Variants in PRUNE2 observed in about 807,000 individuals in gnomAD.
The protein encoded by PRUNE2 is prune homolog 2 with BCH domain.
PRUNE2 carries 164 observed loss-of-function variants against 252.0 expected under a neutral mutation model. The ratio of observed to expected loss-of-function variants is 0.65; its 90% CI spans 0.57 to 0.74. The LOEUF (loss-of-function observed/expected upper bound fraction) is 0.74, where lower values mean the gene tolerates loss of function less well. Ranked by LOEUF, PRUNE2 falls within the 30% of genes least tolerant of loss-of-function variation. PRUNE2 has a pLI of 0.00. For synonymous variants in PRUNE2, 1,292 were observed against 1,350.2 expected, an observed-to-expected ratio of 0.96 and a Z score of 0.94; for missense variants, 3,495 against 3,711.0, an observed-to-expected ratio of 0.94 and a Z score of 1.51.
At chr9:76,659,412 G>T (rs1850439408) in intron 9 of PRUNE2, among the ~76,000 whole-genome samples, 1 of 152,180 alleles carries the variant, frequency 6.6e-6, no homozygotes. Flanking sequence ...AAAAGACACT[G>T]AATGCTTTTA....
Position 76,708,153 on chromosome 9 carries a change from T to C in PRUNE2, c.4121A>G (p.Gln1374Arg), listed in dbSNP as rs768740090. 11 of 1,614,030 alleles carry C rather than the reference T, an allele frequency of 6.8e-6. No homozygotes were observed. Among genetic ancestry groups the C allele is most frequent in the Middle Eastern group, 1.6e-4 (1 of 6,062 alleles). ...TTTGCCTGATTTAATGCAGATTTCC[T>C]GATGTTCAGATGCAACCAGAGAAGA... ...ELSSLVASEH[Q>R]EICIKSGKIS... is the part of the protein sequence containing the mutation. The change falls in exon 8 of 19, where the codon CAG (glutamine) becomes CGG (arginine). Residue 1374 changes from glutamine (Q) to arginine (R), a missense_variant. Gln to Arg is a conservative substitution (Grantham distance 43). Transcript: ENST00000376718.
intron 17 of PRUNE2, among the ~76,000 whole-genome samples, chr9:76,622,131 C>T (rs920921571): frequency 6.6e-6 from 1 of 152,170 alleles, no homozygotes; most frequent in African/African-American, 2.4e-5. Flanking sequence ...CAGCAATGAA[C>T]TGAATGTTAT....
chr9:76,637,115 T>C (rs1840511973), intron 14 of PRUNE2, among the ~76,000 whole-genome samples: 2 of 152,154 alleles, frequency 1.3e-5, no homozygotes, highest in African/African-American at 2.4e-5. Flanking sequence ...TTGAAACTTG[T>C]ATGATTCAAA....
intron 11 of PRUNE2, chr9:76,652,087 A>G (rs1195981627): frequency 6.3e-6 from 1 of 159,766 alleles, no homozygotes; most frequent in African/African-American, 2.4e-5. Context: ...GGGGAAAAGA[A>G]CATTGCAGAT....
intron 11 of PRUNE2, among the ~76,000 whole-genome samples, chr9:76,650,998 G>A (rs187331197): frequency 1.3e-5 from 2 of 152,208 alleles, no homozygotes; most frequent in African/African-American, 4.8e-5. Context: ...GGGGCAACTG[G>A]GATGGATAGA....
chr9:76,851,664 C>T (rs144462479), intron 2 of PRUNE2, among the ~76,000 whole-genome samples: 12 of 152,056 alleles, frequency 7.9e-5, no homozygotes, highest in Non-Finnish European at 1.2e-4. Context: ...AAATTCAGAA[C>T]GTCAGTCAGT....
Position 76,704,037 on chromosome 9 carries a change from G to C in PRUNE2, c.7576C>G (p.Gln2526Glu). Residue 2526 changes from glutamine (Q) to glutamate (E), a missense_variant, in exon 9 of 19, where the codon CAG becomes GAG. Transcript: ENST00000376718. ...EKTIPTKEPE[Q>E]IKSEYKEERC... is the part of the protein sequence containing the mutation. Reference sequence around the variant, plus strand: ...TCTTCCTTGTATTCTGATTTTATCTGCTCAGGCTCTTTGGTAGGAATTGTT... The same window carrying C: ...TCTTCCTTGTATTCTGATTTTATCTCCTCAGGCTCTTTGGTAGGAATTGTT... The C allele has an allele frequency of 6.2e-7, 1 of 1,610,722 alleles. No homozygotes were observed.
chr9:76,676,077 C>CAAAAAGAAA (rs1554684811), intron 9 of PRUNE2, among the ~76,000 whole-genome samples: 33 of 148,094 alleles, frequency 2.2e-4, no homozygotes, highest in South Asian at 1.1e-3. Flanking sequence ...AAAAAAAAAC[C>CAAAAAGAAA]AAAAACAAAA....
intron 6 of PRUNE2, among the ~76,000 whole-genome samples, chr9:76,718,116 T>C (rs1337031512): frequency 1.3e-5 from 2 of 152,176 alleles, no homozygotes; most frequent in Admixed American, 6.5e-5. Flanking sequence ...ATAGTGATGG[T>C]GCCCCATAGA....
At chr9:76,620,994 A>G (rs778917207) in intron 17 of PRUNE2, among the ~76,000 whole-genome samples, 8 of 152,338 alleles carry the variant, frequency 5.3e-5, no homozygotes, top group Non-Finnish European at 1.2e-4. Flanking sequence ...GTTTTAAAGA[A>G]AAGATAAGGC....
chr9:76,652,520 G>A lies in PRUNE2; in HGVS notation c.8520C>T (p.Thr2840=), dbSNP rs764738238. ...ACTCAAAAGAATCTGCTTCATCGGGGGTATCAAGTTCATCCACATTGATGT... is the reference window on the plus strand; with the variant it reads ...ACTCAAAAGAATCTGCTTCATCGGGAGTATCAAGTTCATCCACATTGATGT... The part of the protein sequence containing the change: ...EIDINVDELD[T]PDEADSFEYT... The change falls in exon 11 of 19, where the codon ACC becomes ACT. Residue 2840 remains threonine (T), a synonymous_variant. Coordinates refer to ENST00000376718, the MANE Select transcript of PRUNE2 (RefSeq NM_015225.3). The A allele has an allele frequency of 2.7e-5, 43 of 1,613,210 alleles. No homozygotes were observed. The highest frequency in any genetic ancestry group is 3.6e-5 in the Non-Finnish European group (43 of 1,179,370).
rs1329669570 is a variant in PRUNE2 at position 76,613,737 on chromosome 9, A to C, written c.*833T>G. 3.9e-5 allele frequency: 6 copies of C among 152,214 alleles called. No individual in the cohort carries two copies. The highest frequency in any genetic ancestry group is 8.8e-5 in the Non-Finnish European group (6 of 68,036). The allele number at this position is 152,214 out of a possible 1,614,324, so 9.4% of individuals were successfully genotyped here. On this transcript the variant is annotated 3_prime_UTR_variant, in exon 19 of 19. Coordinates refer to ENST00000376718, the MANE Select transcript of PRUNE2 (RefSeq NM_015225.3). Reference sequence around the variant, plus strand: ...TATAATGCATGCGAGAGAGGAATTCATGAATAACTGAATGCTACCAAATGA... The same window carrying C: ...TATAATGCATGCGAGAGAGGAATTCCTGAATAACTGAATGCTACCAAATGA...
intron 1 of PRUNE2, among the ~76,000 whole-genome samples, chr9:76,876,830 T>C (rs1427385407): frequency 6.6e-6 from 1 of 152,210 alleles, no homozygotes; most frequent in Non-Finnish European, 1.5e-5. Context: ...AGAATTACAG[T>C]GACTCTAGAG....
chr9:76,693,683 C>T (rs539266842), intron 9 of PRUNE2, among the ~76,000 whole-genome samples: 2,084 of 152,096 alleles, frequency 0.014, 39 homozygotes, highest in African/African-American at 0.047. Context: ...ACCTCGTGAT[C>T]CACCCGCCTT....
In PRUNE2 at chr9:76,705,361, C is replaced by A. The variant is rs368011437; in HGVS notation, c.6913G>T (p.Asp2305Tyr). The change falls in exon 8 of 19, where the codon GAT becomes TAT. Residue 2305 changes from aspartate to tyrosine, a missense_variant. Transcript: ENST00000376718. The part of the protein sequence containing the change: ...SEAAFDHSFS[D>Y]ASGLNTSTGT... ...GTGGATGTGTTGAGACCTGAGGCAT[C>A]GCTGAAACTGTGGTCAAAGGCAGCT... The A allele has an allele frequency of 1.9e-6, 3 of 1,613,978 alleles. No homozygotes were observed. Among genetic ancestry groups the A allele is most frequent in the Non-Finnish European group, 8.5e-7 (1 of 1,179,876 alleles).
chr9:76,726,805 T>C (rs1203681981), intron 6 of PRUNE2, among the ~76,000 whole-genome samples: 1 of 152,218 alleles, frequency 6.6e-6, no homozygotes, highest in African/African-American at 2.4e-5. Context: ...CAAACTTCCA[T>C]TGCTATTAGT....
chr9:76,782,673 A>G (rs1354446386), intron 6 of PRUNE2: 1 of 152,246 alleles, frequency 6.6e-6, no homozygotes, highest in Non-Finnish European at 1.5e-5. Flanking sequence ...CTAAGGAATT[A>G]CAACACATAT....
At chr9:76,900,451 G>C (rs2063101146) in intron 1 of PRUNE2, among the ~76,000 whole-genome samples, 1 of 152,184 alleles carries the variant, frequency 6.6e-6, no homozygotes, top group Non-Finnish European at 1.5e-5. Context: ...ACAGGGCTCA[G>C]AAAGAAATGG....
intron 9 of PRUNE2, among the ~76,000 whole-genome samples, chr9:76,684,689 T>C (rs961677691): frequency 4.6e-5 from 7 of 152,142 alleles, no homozygotes; most frequent in Admixed American, 3.3e-4. Context: ...AGAAAAACAA[T>C]GCTCACAAAC....
Sources: allele counts gnomAD v4.1 joint callset (sites outside exome capture counted in the v4.1 genomes callset), GRCh38; gene constraint gnomAD v4.1.1; transcripts MANE v1.5; gene names NCBI Gene and HGNC (gene_info 2026-07-23, HGNC 2026-07-21).